FSTL4: variants seen among roughly 807,000 people sequenced by gnomAD.
The protein encoded by FSTL4 is follistatin like 4.
In FSTL4, 28 loss-of-function variants were observed where a neutral mutation model predicts 78.2. The observed-to-expected ratio is 0.36, with a 90% CI of 0.27 to 0.49. FSTL4 has a LOEUF of 0.49. Ranked by LOEUF, FSTL4 falls within the 20% of genes least tolerant of loss-of-function variation. FSTL4 has a pLI of 0.98. For missense variants in FSTL4, 922 were observed against 1,084.9 expected (o/e 0.85, Z 2.11); for synonymous variants, 422 against 440.5 (o/e 0.96, Z 0.53).
At chr5:133,701,509 A>ACCCCC in the FSTL4 span, among the ~76,000 whole-genome samples, 60 of 132,680 alleles carry the variant, frequency 4.5e-4, no homozygotes, top group Middle Eastern at 3.8e-3. Flanking sequence ...ACACACACAC[A>ACCCCC]CCCCACAGGC....
chr5:133,336,940 G>A (rs945044100), intron 4 of FSTL4, among the ~76,000 whole-genome samples: 3 of 152,216 alleles, frequency 2.0e-5, no homozygotes, highest in Non-Finnish European at 4.4e-5. Context: ...CCAGATCCAT[G>A]GGGATGGAGG....
At chr5:133,796,097 C>T in the FSTL4 span, among the ~76,000 whole-genome samples, 1 of 152,210 alleles carries the variant, frequency 6.6e-6, no homozygotes. Context: ...ATACAGCTGT[C>T]CCTCAGATAA....
chr5:133,836,522 A>G, the FSTL4 span, among the ~76,000 whole-genome samples: 5 of 152,086 alleles, frequency 3.3e-5, no homozygotes, highest in African/African-American at 9.7e-5. Context: ...ATTTTTACCC[A>G]TACATATATG....
intron 3 of FSTL4, among the ~76,000 whole-genome samples, chr5:133,484,018 T>C (rs567397364): frequency 6.6e-6 from 1 of 152,360 alleles, no homozygotes; most frequent in South Asian, 2.1e-4. Flanking sequence ...GCTCTCCTCA[T>C]CCTGGCTCCA....
chr5:133,763,314 C>A, the FSTL4 span, among the ~76,000 whole-genome samples: 1 of 152,184 alleles, frequency 6.6e-6, no homozygotes, highest in Non-Finnish European at 1.5e-5. Flanking sequence ...CTCATCTCAG[C>A]CCTTCAACAT....
At chr5:133,259,363 T>C (rs1223920692) in intron 6 of FSTL4, among the ~76,000 whole-genome samples, 1 of 151,846 alleles carries the variant, frequency 6.6e-6, no homozygotes. Flanking sequence ...GGAGCTGAAA[T>C]AGACCAGTGC....
the FSTL4 span, among the ~76,000 whole-genome samples, chr5:133,836,554 G>A: frequency 1.3e-5 from 2 of 151,948 alleles, no homozygotes; most frequent in Non-Finnish European, 2.9e-5. Flanking sequence ...GTGTGTGGAT[G>A]TATTTATACT....
Position 133,567,217 on chromosome 5 carries a change from C to A in FSTL4, c.129G>T (p.Glu43Asp). 2 of 1,606,834 alleles carry A rather than the reference C, an allele frequency of 1.2e-6. No homozygotes were observed. Among genetic ancestry groups the A allele is most frequent in the South Asian group, 1.1e-5 (1 of 90,908 alleles). The change falls in exon 3 of 16, where the codon GAG becomes GAT. Residue 43 changes from glutamate to aspartate, a missense_variant and splice_region_variant. Transcript: ENST00000265342. Reference sequence around the variant, plus strand: ...TTCTTGTGACTTCAAAGCTTCTGGGCTCCTGCAAGAAAAGAAAGACTTTGT... The same window carrying A: ...TTCTTGTGACTTCAAAGCTTCTGGGATCCTGCAAGAAAAGAAAGACTTTGT... ...DVGVGESQAE[E>D]PRSFEVTRRE...
chr5:133,262,246 G>T (rs1190415929), intron 6 of FSTL4, among the ~76,000 whole-genome samples: 2 of 152,138 alleles, frequency 1.3e-5, no homozygotes, highest in African/African-American at 4.8e-5. Flanking sequence ...TGTTCTACAG[G>T]TCGCAACTAC....
the FSTL4 span, among the ~76,000 whole-genome samples, chr5:133,811,397 C>T: frequency 6.6e-6 from 1 of 152,144 alleles, no homozygotes; most frequent in African/African-American, 2.4e-5. Flanking sequence ...CTAGATTGCT[C>T]TCATAAATGG....
At chr5:133,537,817 CAG>C (rs71581364) in intron 3 of FSTL4, among the ~76,000 whole-genome samples, 15 of 151,170 alleles carry the variant, frequency 9.9e-5, no homozygotes, top group African/African-American at 3.4e-4. Context: ...CACACACACA[CAG>C]AGACACACAC....
rs547132728 is a variant in FSTL4 at position 133,330,858 on chromosome 5, T to G, written c.410-14206A>C. On this transcript the variant is annotated intron_variant, in intron 4 of 15. Coordinates refer to ENST00000265342, the MANE Select transcript of FSTL4 (RefSeq NM_015082.2). ...CTTTTCACACTCCCAGGTACTGTGA[T>G]TTTTAAAGAACAGCGGGAACAGTGT... Among the ~76,000 whole-genome samples, 9 of 152,298 alleles carry G rather than the reference T, an allele frequency of 5.9e-5. No homozygotes were observed. In the South Asian group the frequency reaches 1.9e-3, roughly 32 times the overall value.
intron 2 of FSTL4, among the ~76,000 whole-genome samples, chr5:133,591,722 C>T (rs418101): frequency 0.12 from 17,949 of 152,094 alleles, 1,513 homozygotes; most frequent in African/African-American, 0.24. Flanking sequence ...GCAAGGGCTA[C>T]ACTCAGAGCT....
chr5:133,477,788 T>A (rs1348488112), intron 3 of FSTL4, among the ~76,000 whole-genome samples: 3 of 133,584 alleles, frequency 2.2e-5, no homozygotes, highest in Non-Finnish European at 4.4e-5. Flanking sequence ...GCAAAAAATG[T>A]TTTTTTTTCT....
chr5:133,667,315 T>C, the FSTL4 span, among the ~76,000 whole-genome samples: 9 of 152,210 alleles, frequency 5.9e-5, no homozygotes, highest in African/African-American at 2.2e-4. Flanking sequence ...GCCACCATCA[T>C]TGCCTACCTA....
At chr5:133,391,575 CAG>C (rs1452307832) in intron 4 of FSTL4, among the ~76,000 whole-genome samples, 1 of 152,210 alleles carries the variant, frequency 6.6e-6, no homozygotes, top group Non-Finnish European at 1.5e-5. Context: ...CAATGGCCGA[CAG>C]AGCCCTATGG....
chr5:133,320,116 T>C (rs1241354872), intron 4 of FSTL4, among the ~76,000 whole-genome samples: 1 of 152,088 alleles, frequency 6.6e-6, no homozygotes, highest in Non-Finnish European at 1.5e-5. Context: ...CCACAGGGCT[T>C]GAGGTGGAGT....
At chr5:133,603,785 A>G in intron 2 of FSTL4, 73 bp downstream of exon 2, 3 of 1,487,090 alleles carry the variant, frequency 2.0e-6, no homozygotes, top group Non-Finnish European at 2.8e-6. Flanking sequence ...CTAAAGGTGG[A>G]GGGGAAATCA....
At chr5:133,823,101 G>A in the FSTL4 span, among the ~76,000 whole-genome samples, 1 of 152,146 alleles carries the variant, frequency 6.6e-6, no homozygotes, top group East Asian at 1.9e-4. Context: ...TAGCGTTCAG[G>A]AGACAAACCT....
Sources: allele counts gnomAD v4.1 joint callset (sites outside exome capture counted in the v4.1 genomes callset), GRCh38; gene constraint gnomAD v4.1.1; transcripts MANE v1.5; gene names NCBI Gene and HGNC (gene_info 2026-07-23, HGNC 2026-07-21).